Variants in PDE11A observed in about 807,000 individuals in gnomAD.
PDE11A encodes the protein phosphodiesterase 11A, also known as dual 3',5'-cyclic-AMP and -GMP phosphodiesterase 11A.
A neutral mutation model predicts 100.5 loss-of-function variants in PDE11A; 100 were observed. That is an observed-to-expected ratio of 1.00 (90% CI 0.85 to 1.18). PDE11A has a LOEUF of 1.18. Ranked by LOEUF, PDE11A falls within the 50% of genes most tolerant of loss-of-function variation. PDE11A has a pLI of 0.00. For synonymous variants in PDE11A, 381 were observed against 420.8 expected, an observed-to-expected ratio of 0.91 and a Z score of 1.16; for missense variants, 1,141 against 1,152.6, an observed-to-expected ratio of 0.99 and a Z score of 0.15.
At chr2:177,946,607 C>T (rs1394185988) in intron 2 of PDE11A, among the ~76,000 whole-genome samples, 19 of 82,038 alleles carry the variant, frequency 2.3e-4, no homozygotes, top group South Asian at 5.4e-4. Flanking sequence ...CCCCTCTGCC[C>T]GGCCAGCCGC....
At chr2:177,851,597 C>T (rs556821636) in intron 5 of PDE11A, among the ~76,000 whole-genome samples, 12 of 152,208 alleles carry the variant, frequency 7.9e-5, no homozygotes, top group African/African-American at 2.2e-4. Flanking sequence ...ATAGAGCTGA[C>T]GCTTAGGATA....
Position 177,669,560 on chromosome 2 carries a change from T to A in PDE11A, c.2495A>T (p.Glu832Val). The A allele has an allele frequency of 7.1e-7, 1 of 1,413,924 alleles. No individual in the cohort carries two copies. The highest frequency in any genetic ancestry group is 1.1e-5 in the South Asian group (1 of 87,018). 87.6% of individuals were successfully genotyped at this position (1,413,924 alleles called of 1,614,324 possible). ...TTCGAAGAACTCACTGGTTACAAGTTCTGCCACCTGAAACATATAAATATT... is the reference window on the plus strand; with the variant it reads ...TTCGAAGAACTCACTGGTTACAAGTACTGCCACCTGAAACATATAAATATT... ...KPWEISRQVA[E>V]LVTSEFFEQG... Residue 832 changes from glutamate to valine, a missense_variant, in exon 18 of 20, where the codon GAA becomes GTA. By Grantham distance (121) the Glu-to-Val change is moderately radical. Coordinates refer to ENST00000286063, the MANE Select transcript of PDE11A (RefSeq NM_016953.4).
chr2:177,962,056 CAAAAAAAAAA>C lies in PDE11A; in HGVS notation c.1071+52236_1071+52245del, dbSNP rs34148492. ...TGGGTGACAGAGTGAGACACTGTCT[CAAAAAAAAAA>C]AAAAAAAAAAAAAAAAGTTTGTCTA... On this transcript the variant is annotated intron_variant, in intron 2 of 19. Transcript: ENST00000286063. Among the ~76,000 whole-genome samples, 6 of 66,348 alleles carry C rather than the reference CAAAAAAAAAA, an allele frequency of 9.0e-5. No homozygotes were observed. In the East Asian group the frequency reaches 2.1e-3, roughly 23 times the overall value. 43.5% of individuals were successfully genotyped at this position (66,348 alleles called of 152,430 possible).
intron 19 of PDE11A, among the ~76,000 whole-genome samples, chr2:177,631,498 A>T (rs2079926511): frequency 3.6e-5 from 1 of 27,898 alleles, no homozygotes; most frequent in African/African-American, 1.3e-4. Flanking sequence ...AAAAAAAAAA[A>T]AAAAAAAAAA....
intron 6 of PDE11A, among the ~76,000 whole-genome samples, chr2:177,829,589 G>A (rs1397189675): frequency 4.6e-5 from 7 of 150,544 alleles, no homozygotes; most frequent in Admixed American, 1.3e-4. Flanking sequence ...GACTACAGGC[G>A]TGTGCCACCA....
At chr2:177,768,971 T>A (rs2082274441) in intron 10 of PDE11A, among the ~76,000 whole-genome samples, 1 of 152,230 alleles carries the variant, frequency 6.6e-6, no homozygotes, top group Non-Finnish European at 1.5e-5. Flanking sequence ...TTTTTACAGA[T>A]GGAAATACAG....
intron 2 of PDE11A, among the ~76,000 whole-genome samples, chr2:177,910,953 G>A (rs1336969212): frequency 2.0e-5 from 3 of 152,318 alleles, no homozygotes; most frequent in East Asian, 1.9e-4. Flanking sequence ...CATCCCGTTC[G>A]TGGACCCTAC....
At chr2:177,722,116 C>G (rs1023312473) in intron 12 of PDE11A, among the ~76,000 whole-genome samples, 1 of 152,096 alleles carries the variant, frequency 6.6e-6, no homozygotes, top group Non-Finnish European at 1.5e-5. Context: ...TCATAAAAAT[C>G]TCAAGAATAA....
At chr2:177,846,661 C>T (rs539434044) in intron 5 of PDE11A, among the ~76,000 whole-genome samples, 13 of 152,316 alleles carry the variant, frequency 8.5e-5, no homozygotes, top group East Asian at 7.7e-4. Flanking sequence ...GCCTTGCACA[C>T]GGATGCCCTA....
intron 10 of PDE11A, among the ~76,000 whole-genome samples, chr2:177,744,126 G>A (rs2081913837): frequency 1.3e-5 from 2 of 152,212 alleles, no homozygotes; most frequent in South Asian, 4.1e-4. Flanking sequence ...AAACAGAGGG[G>A]AGGAGAAAAC....
intron 9 of PDE11A, among the ~76,000 whole-genome samples, chr2:177,809,647 G>A (rs546198007): frequency 8.5e-4 from 130 of 152,278 alleles, no homozygotes; most frequent in Middle Eastern, 3.4e-3. Flanking sequence ...GTGAGGAAGA[G>A]TAAAGAAGCT....
At chr2:177,842,886 A>G (rs2083514177) in intron 5 of PDE11A, among the ~76,000 whole-genome samples, 1 of 152,206 alleles carries the variant, frequency 6.6e-6, no homozygotes, top group Non-Finnish European at 1.5e-5. Context: ...TTGAAAGTCC[A>G]GGAACAAAAT....
intron 15 of PDE11A, among the ~76,000 whole-genome samples, chr2:177,689,552 T>C (rs760142433): frequency 6.6e-6 from 1 of 152,244 alleles, no homozygotes; most frequent in Non-Finnish European, 1.5e-5. Context: ...TTTCTGGACT[T>C]TCTTTGCATA....
At chr2:177,786,438 A>G (rs1234963449) in intron 9 of PDE11A, among the ~76,000 whole-genome samples, 1 of 152,086 alleles carries the variant, frequency 6.6e-6, no homozygotes, top group Non-Finnish European at 1.5e-5. Context: ...AAGATGGGGA[A>G]AAAACAGAGC....
rs775922016 is a variant in PDE11A at position 177,840,421 on chromosome 2, AAACGT to A, written c.1368-43_1368-39del. 5.6e-6 allele frequency: 9 copies of A among 1,604,800 alleles called. No individual in the cohort carries two copies. In the Admixed American group the frequency reaches 1.0e-4, roughly 18 times the overall value. On this transcript the variant is annotated intron_variant, in intron 5 of 19. Coordinates refer to ENST00000286063, the MANE Select transcript of PDE11A (RefSeq NM_016953.4). Reference sequence around the variant, plus strand: ...CAAGGTAGGCAGGAAGAAAAGAGAGAAACGTAAGTTTTCTTGAAAGGAAACCCTAT... The same window carrying A: ...CAAGGTAGGCAGGAAGAAAAGAGAGAAAGTTTTCTTGAAAGGAAACCCTAT...
intron 19 of PDE11A, among the ~76,000 whole-genome samples, chr2:177,631,315 A>C (rs200995561): frequency 4.8e-4 from 21 of 43,490 alleles, no homozygotes; most frequent in African/African-American, 9.6e-4. Flanking sequence ...AAAAAACAAA[A>C]AAAAAAACAA....
Position 177,627,341 on chromosome 2 carries a change from A to G in PDE11A, c.*2066T>C, listed in dbSNP as rs1480064374. 6.6e-6 allele frequency: 1 copy of G among 151,274 alleles called. No individual in the cohort carries two copies. Among genetic ancestry groups the G allele is most frequent in the Non-Finnish European group, 1.5e-5 (1 of 67,832 alleles). 9.4% of individuals were successfully genotyped at this position (151,274 alleles called of 1,614,324 possible). A position where few individuals can be genotyped will look rare whatever the true frequency, so the allele number is the denominator to read the frequency against. On this transcript the variant is annotated 3_prime_UTR_variant, in exon 20 of 20. Transcript: ENST00000286063. ...GTGAGCCACCGCGCCCGGTCTATAC[A>G]TTTCTTTTACTTTGTTTCTTGCCAT...
At chr2:177,962,246 A>G (rs189565770) in intron 2 of PDE11A, among the ~76,000 whole-genome samples, 20 of 152,190 alleles carry the variant, frequency 1.3e-4, no homozygotes, top group African/African-American at 4.6e-4. Flanking sequence ...AGAAGGTCAT[A>G]TATTATACTT....
chr2:178,099,899 T>C (rs1054027905), intron 2 of PDE11A, among the ~76,000 whole-genome samples: 1 of 152,162 alleles, frequency 6.6e-6, no homozygotes, highest in Admixed American at 6.5e-5. Context: ...CAAAATGCTA[T>C]CTACATATAA....
Sources: allele counts gnomAD v4.1 joint callset (sites outside exome capture counted in the v4.1 genomes callset), GRCh38; gene constraint gnomAD v4.1.1; transcripts MANE v1.5; gene names NCBI Gene and HGNC (gene_info 2026-07-23, HGNC 2026-07-21).